SYNE1: variants seen among roughly 807,000 people sequenced by gnomAD.
SYNE1 encodes the protein spectrin repeat containing nuclear envelope protein 1.
Under a neutral mutation model 1,111.0 loss-of-function variants are expected in SYNE1, and 616 were observed. The observed-to-expected ratio is 0.55, with a 90% confidence interval of 0.52 to 0.59. The LOEUF is 0.59. SYNE1 is among the 20% of genes least tolerant of loss of function. The pLI, the probability that SYNE1 is intolerant of heterozygous loss-of-function variation, is 0.00. For synonymous variants in SYNE1, 3,855 were observed against 3,825.8 expected (o/e 1.01, Z -0.28); for missense variants, 10,006 against 10,417.0 (o/e 0.96, Z 1.72).
chr6:152,398,911 C>T lies in SYNE1; in HGVS notation c.7238-180G>A, dbSNP rs493994. Among the ~76,000 whole-genome samples, 31,425 of 152,028 alleles carry T rather than the reference C, an allele frequency of 0.21. 3,532 individuals are homozygous for T. Among genetic ancestry groups the T allele is most frequent in the East Asian group, 0.4 (2,088 of 5,166 alleles). On this transcript the variant is annotated intron_variant, in intron 48 of 145. Coordinates refer to ENST00000367255, the MANE Select transcript of SYNE1 (RefSeq NM_182961.4). ...TAAAGTAATACAGTATGATCTACAG[C>T]CATGAATGTTCATGGTAGAATTGAG...
At chr6:152,474,614 C>CAGCAGAAATAGAAAT (rs2154282562) in intron 14 of SYNE1, 1 of 152,338 alleles carries the variant, frequency 6.6e-6, no homozygotes, top group Admixed American at 6.5e-5. Context: ...GAGTGAGAAC[C>CAGCAGAAATAGAAAT]AGCAGAAACA....
At chr6:152,497,588 G>T (rs559522496) in intron 11 of SYNE1, among the ~76,000 whole-genome samples, 1 of 152,334 alleles carries the variant, frequency 6.6e-6, no homozygotes, top group South Asian at 2.1e-4. Flanking sequence ...TGACTGCCCT[G>T]AAGAGGAGCT....
At chr6:152,289,771 C>T (rs537307162) in intron 95 of SYNE1, among the ~76,000 whole-genome samples, 3 of 152,140 alleles carry the variant, frequency 2.0e-5, no homozygotes, top group East Asian at 1.9e-4. Context: ...GGACTACAAG[C>T]GCCCACCACC....
At chr6:152,511,172 T>G in intron 6 of SYNE1, 69 bp from the exon 7 acceptor site, 1 of 1,357,450 alleles carries the variant, frequency 7.4e-7, no homozygotes, top group Non-Finnish European at 1.1e-6. Context: ...TATGTAACAA[T>G]TAGGCCTTTA....
In SYNE1 at chr6:152,144,177, A is replaced by G. The variant is rs1019697219; in HGVS notation, c.24977-412T>C. 4 of 298,356 alleles carry G rather than the reference A, an allele frequency of 1.3e-5. No individual in the cohort carries two copies. The East Asian group carries it at 2.6e-4, about 20-fold the overall frequency. 18.5% of individuals were successfully genotyped at this position (298,356 alleles called of 1,614,324 possible). On this transcript the variant is annotated intron_variant, in intron 137 of 145. Coordinates refer to ENST00000367255, the MANE Select transcript of SYNE1 (RefSeq NM_182961.4). ...TTCTTTCTGCTATCGCTTAGTGAGC[A>G]GGGGAAGATCCTCCCTCTGATTTTT...
At chr6:152,258,407 C>T (rs2091338590) in intron 101 of SYNE1, among the ~76,000 whole-genome samples, 1 of 152,152 alleles carries the variant, frequency 6.6e-6, no homozygotes, top group Admixed American at 6.5e-5. Context: ...CACTTGGCTG[C>T]ATTATGCGAA....
intron 16 of SYNE1, 35 bp downstream of exon 16, chr6:152,471,562 C>T (rs2098805703): frequency 1.2e-6 from 2 of 1,605,618 alleles, no homozygotes; most frequent in Non-Finnish European, 8.5e-7. Context: ...ATCCATGGCT[C>T]ATAGGAATTC....
chr6:152,514,942 C>A (rs1232260115), intron 6 of SYNE1, among the ~76,000 whole-genome samples: 2 of 152,168 alleles, frequency 1.3e-5, no homozygotes, highest in African/African-American at 4.8e-5. Flanking sequence ...ATATTTGAGA[C>A]CAGGCGTGGT....
At chr6:152,295,974 A>T (rs577666600) in intron 93 of SYNE1, among the ~76,000 whole-genome samples, 17 of 152,202 alleles carry the variant, frequency 1.1e-4, no homozygotes, top group Non-Finnish European at 2.4e-4. Flanking sequence ...GTCACACGTG[A>T]ATGCACTTGC....
intron 36 of SYNE1, among the ~76,000 whole-genome samples, chr6:152,428,735 A>G (rs2098399260): frequency 6.6e-6 from 1 of 152,178 alleles, no homozygotes. Flanking sequence ...AAATTATCAC[A>G]TGTGCACCCC....
intron 123 of SYNE1, 45 bp from the exon 124 acceptor site, chr6:152,211,633 T>G (rs758281695): frequency 2.0e-6 from 3 of 1,522,348 alleles, no homozygotes; most frequent in Non-Finnish European, 2.7e-6. Flanking sequence ...GTTCCTAATT[T>G]TAGTGATCGG....
At chr6:152,622,716 G>A (rs527437641) in intron 3 of SYNE1, among the ~76,000 whole-genome samples, 5 of 152,268 alleles carry the variant, frequency 3.3e-5, no homozygotes, top group African/African-American at 1.2e-4. Context: ...GAGTAGTGCT[G>A]CGATGAACAT....
intron 121 of SYNE1, 82 bp from the exon 122 acceptor site, chr6:152,215,142 T>C (rs1355428284): frequency 1.3e-6 from 2 of 1,504,058 alleles, no homozygotes; most frequent in African/African-American, 2.7e-5. Flanking sequence ...GAATTTCTGA[T>C]TTCAGGAAGT....
At chr6:152,632,047 C>T (rs2099698781) in intron 2 of SYNE1, among the ~76,000 whole-genome samples, 1 of 152,162 alleles carries the variant, frequency 6.6e-6, no homozygotes, top group African/African-American at 2.4e-5. Context: ...TCCACTGAGG[C>T]CTCTAACATC....
chr6:152,304,787 C>T (rs991096593), intron 91 of SYNE1, among the ~76,000 whole-genome samples: 6 of 152,168 alleles, frequency 3.9e-5, no homozygotes, highest in Admixed American at 3.3e-4. Context: ...TTATTGTGTA[C>T]AAAACTCATT....
chr6:152,492,821 G>A (rs1450617043), intron 11 of SYNE1, among the ~76,000 whole-genome samples: 1 of 152,074 alleles, frequency 6.6e-6, no homozygotes, highest in East Asian at 1.9e-4. Flanking sequence ...TCTTTTCAAG[G>A]GCCTGTTTAC....
Position 152,310,608 on chromosome 6 carries a change from G to A in SYNE1, c.16896+80C>T, listed in dbSNP as rs763501297. ...AGTCAAGAAACCACATCACAGGTGA[G>A]CACTATTTCCATAGTGGCATTGCCA... On this transcript the variant is annotated intron_variant, in intron 88 of 145. Transcript: ENST00000367255. 7 of 1,608,500 alleles carry A rather than the reference G, an allele frequency of 4.4e-6. No individual in the cohort carries two copies. The Admixed American group carries it at 5.0e-5, about 12-fold the overall frequency.
intron 129 of SYNE1, 79 bp from the exon 130 acceptor site, chr6:152,176,639 G>C (rs940214736): frequency 2.2e-6 from 3 of 1,394,476 alleles, no homozygotes; most frequent in Non-Finnish European, 3.0e-6. Context: ...GAAACATGAT[G>C]ATTACTGCTT....
At chr6:152,173,254 T>C (rs890620496) in intron 130 of SYNE1, among the ~76,000 whole-genome samples, 4 of 152,230 alleles carry the variant, frequency 2.6e-5, no homozygotes, top group African/African-American at 9.6e-5. Context: ...ATGTAATAGA[T>C]TTGTTATCAG....
Sources: allele counts gnomAD v4.1 joint callset (sites outside exome capture counted in the v4.1 genomes callset), GRCh38; gene constraint gnomAD v4.1.1; transcripts MANE v1.5; gene names NCBI Gene and HGNC (gene_info 2026-07-23, HGNC 2026-07-21).